Variants in GRIA3 observed in about 807,000 individuals in gnomAD.
The protein encoded by GRIA3 is glutamate receptor 3.
Under a neutral mutation model 63.0 loss-of-function variants are expected in GRIA3, and 3 were observed. The ratio of observed to expected loss-of-function variants is 0.05; its 90% CI spans 0.02 to 0.12. GRIA3 has a LOEUF of 0.12. Ranked by LOEUF, GRIA3 falls within the 10% of genes least tolerant of loss-of-function variation. The pLI, the probability that GRIA3 is intolerant of heterozygous loss-of-function variation, is 1.00. For missense variants in GRIA3, 347 were observed against 700.9 expected, an observed-to-expected ratio of 0.50 and a Z score of 5.70; for synonymous variants, 274 against 257.9, an observed-to-expected ratio of 1.06 and a Z score of -0.60.
At chrX:123,404,957 C>A in intron 10 of GRIA3, 43 bp downstream of exon 10, 1 of 911,979 alleles carries the variant, frequency 1.1e-6, no homozygotes, top group Non-Finnish European at 1.6e-6. Context: ...CTGTGCTTTC[C>A]AATTAACAAA....
At chrX:123,472,200 G>A (rs952565780) in intron 13 of GRIA3, among the ~76,000 whole-genome samples, 1 of 104,872 alleles carries the variant, frequency 9.5e-6, no homozygotes, top group African/African-American at 3.5e-5. Flanking sequence ...ATTTTTCTAT[G>A]AGTCATGGTC....
chrX:123,273,914 C>G (rs757096079), intron 3 of GRIA3, among the ~76,000 whole-genome samples: 3 of 112,080 alleles, frequency 2.7e-5, no homozygotes, highest in Admixed American at 9.5e-5. Context: ...TGCAACCTCT[C>G]TTAGGTCATA....
intron 5 of GRIA3, among the ~76,000 whole-genome samples, chrX:123,386,229 T>C (rs1187010188): frequency 8.9e-6 from 1 of 112,048 alleles, no homozygotes; most frequent in Non-Finnish European, 1.9e-5. Context: ...CTATTGGCAA[T>C]CTGTATGTCT....
intron 4 of GRIA3, among the ~76,000 whole-genome samples, chrX:123,327,932 AT>A (rs1044888670): frequency 8.9e-6 from 1 of 111,869 alleles, no homozygotes; most frequent in Non-Finnish European, 1.9e-5. Flanking sequence ...CTAAAATTTT[AT>A]ACCAAAATAG....
chrX:123,447,691 T>A (rs2045710078), intron 12 of GRIA3, among the ~76,000 whole-genome samples: 1 of 112,206 alleles, frequency 8.9e-6, no homozygotes, highest in African/African-American at 3.2e-5. Context: ...TTATTTCTGT[T>A]TGGGGCTTTT....
chrX:123,434,106 A>G (rs2045632783), intron 12 of GRIA3, among the ~76,000 whole-genome samples: 1 of 111,672 alleles, frequency 9.0e-6, no homozygotes, highest in African/African-American at 3.3e-5. Flanking sequence ...GGAAGGGAGA[A>G]AAATCTTTCC....
chrX:123,378,368 T>TTTGCAAAGGTTTTAGAGAGACTCAGTA lies in GRIA3; in HGVS notation c.751-16597_751-16571dup, dbSNP rs2034123866. Among the ~76,000 whole-genome samples the TTTGCAAAGGTTTTAGAGAGACTCAGTA allele has an allele frequency of 3.6e-5, 4 of 110,286 alleles. No homozygotes were observed. In the Admixed American group the frequency reaches 3.9e-4, roughly 11 times the overall value. On this transcript the variant is annotated intron_variant, in intron 5 of 15. Coordinates refer to ENST00000620443, the MANE Select transcript of GRIA3 (RefSeq NM_007325.5). Reference sequence around the variant, plus strand: ...TATTCATTTTTGTAGTGCTAGTGTATTTGCAAAGGTTTTAGAGAGACTCAG... The same window carrying TTTGCAAAGGTTTTAGAGAGACTCAGTA: ...TATTCATTTTTGTAGTGCTAGTGTATTTGCAAAGGTTTTAGAGAGACTCAGTATTGCAAAGGTTTTAGAGAGACTCAG...
In GRIA3 at chrX:123,185,954, T is replaced by C. The variant is rs1927261779; in HGVS notation, c.232T>C (p.Leu78=). 5.8e-6 allele frequency: 7 copies of C among 1,208,235 alleles called. No homozygotes were observed. The highest frequency in any genetic ancestry group is 5.9e-5 in the East Asian group (2 of 33,837). The change falls in exon 2 of 16, where the codon TTG becomes CTG. Residue 78 remains leucine (L), a synonymous_variant. Coordinates refer to ENST00000620443, the MANE Select transcript of GRIA3 (RefSeq NM_007325.5). ...PFHLNYHVDH[L]DSSNSFSVTN... ...CCATTTGAATTACCACGTAGATCAC[T>C]TGGATTCCTCCAATAGTTTTTCCGT...
At chrX:123,390,040 T>C (rs1325392941) in intron 5 of GRIA3, among the ~76,000 whole-genome samples, 2 of 112,012 alleles carry the variant, frequency 1.8e-5, no homozygotes, top group East Asian at 5.6e-4. Flanking sequence ...GTTTAATCTA[T>C]TTATATTCAA....
At chrX:123,441,294 A>G (rs2045672598) in intron 12 of GRIA3, among the ~76,000 whole-genome samples, 1 of 111,917 alleles carries the variant, frequency 8.9e-6, no homozygotes, top group African/African-American at 3.2e-5. Context: ...TTTGTGAGAA[A>G]TAGCATATGT....
At chrX:123,373,329 T>A (rs184447473) in intron 5 of GRIA3, among the ~76,000 whole-genome samples, 6 of 111,974 alleles carry the variant, frequency 5.4e-5, no homozygotes, top group Non-Finnish European at 1.1e-4. Context: ...TAAACATATG[T>A]GTGCATGTGT....
At chrX:123,371,163 C>G (rs2045245109) in intron 5 of GRIA3, among the ~76,000 whole-genome samples, 1 of 110,000 alleles carries the variant, frequency 9.1e-6, no homozygotes, top group Non-Finnish European at 1.9e-5. Flanking sequence ...GCTTATTTCT[C>G]TTAGCATAAT....
Position 123,242,076 on chromosome X carries a change from A to G in GRIA3, c.269-11227A>G, listed in dbSNP as rs1935447650. On this transcript the variant is annotated intron_variant, in intron 2 of 15. Transcript: ENST00000620443. ...AGGAGGTGACTGAGGCCATTACAAC[A>G]TTAAGAATGTGATGCTAAGGAATCC... is the stretch of plus-strand genomic sequence containing the variant. Among the ~76,000 whole-genome samples the G allele has an allele frequency of 3.6e-5, 4 of 111,396 alleles. No homozygotes were observed. The South Asian group carries it at 1.1e-3, about 32-fold the overall frequency.
intron 3 of GRIA3, among the ~76,000 whole-genome samples, chrX:123,317,799 G>A (rs1274218370): frequency 8.9e-6 from 1 of 111,996 alleles, no homozygotes; most frequent in Non-Finnish European, 1.9e-5. Flanking sequence ...TCTGGAGGAT[G>A]GTGCTTCTCT....
In GRIA3 at chrX:123,488,721, C is replaced by T. The variant is rs1389213505; in HGVS notation, c.*11C>T. On this transcript the variant is annotated 3_prime_UTR_variant, in exon 16 of 16. Transcript: ENST00000620443. Reference sequence around the variant, plus strand: ...TCCCCTTGCCTTTGCAGATCCCTTCCCACTGGAGGCATGTGATGAGAGGAA... The same window carrying T: ...TCCCCTTGCCTTTGCAGATCCCTTCTCACTGGAGGCATGTGATGAGAGGAA... 9.0e-6 allele frequency: 1 copy of T among 111,634 alleles called. No individual in the cohort carries two copies. Among genetic ancestry groups the T allele is most frequent in the East Asian group, 2.8e-4 (1 of 3,532 alleles). 9.2% of individuals were successfully genotyped at this position (111,634 alleles called of 1,213,427 possible).
intron 6 of GRIA3, among the ~76,000 whole-genome samples, chrX:123,397,604 C>T (rs917742327): frequency 8.9e-6 from 1 of 112,174 alleles, no homozygotes; most frequent in Non-Finnish European, 1.9e-5. Context: ...CTGTTACAGT[C>T]ACACTTGATG....
chrX:123,284,249 C>G (rs2044604190), intron 3 of GRIA3, among the ~76,000 whole-genome samples: 1 of 112,078 alleles, frequency 8.9e-6, no homozygotes, highest in Non-Finnish European at 1.9e-5. Flanking sequence ...CTGAAGGTCA[C>G]CAACATCAAA....
chrX:123,482,974 C>T lies in GRIA3; in HGVS notation c.2615C>T (p.Thr872Ile). Residue 872 changes from threonine (T) to isoleucine (I), a missense_variant, in exon 15 of 16, where the codon ACC (threonine) becomes ATC (isoleucine). Physicochemically the swap from Thr to Ile is moderately conservative, Grantham distance 89. Around this residue, in one of 8 missense-constraint regions of GRIA3, gnomAD observed 29 missense variants for 46.7 expected, o/e 0.62. Transcript: ENST00000620443. Reference protein sequence around the residue: ...NTQNFKPAPATNTQNYATYRE... With the variant: ...NTQNFKPAPAINTQNYATYRE... ...CAAAACTTTAAGCCTGCTCCTGCCA[C>T]CAACACTCAGAATTATGCTACATAC... 1 of 1,205,807 alleles carries T rather than the reference C, an allele frequency of 8.3e-7. No homozygotes were observed. The highest frequency in any genetic ancestry group is 1.8e-5 in the South Asian group (1 of 56,844).
At chrX:123,285,423 G>A (rs983710212) in intron 3 of GRIA3, among the ~76,000 whole-genome samples, 3 of 109,505 alleles carry the variant, frequency 2.7e-5, no homozygotes, top group Non-Finnish European at 3.8e-5. Context: ...ATGTAAACAG[G>A]ATAAATGCCG....
Sources: gnomAD v4.1 joint callset for allele counts (sites outside exome capture counted in the v4.1 genomes callset) on GRCh38, gnomAD v4.1.1 for gene constraint, gnomAD v4.1.1 regional missense constraint, MANE v1.5 for transcripts, NCBI Gene and HGNC (gene_info 2026-07-23, HGNC 2026-07-21) for gene names.